Variants in CERKL observed in about 807,000 individuals in gnomAD.
CERKL encodes ceramide kinase-like protein.
A neutral mutation model predicts 63.4 loss-of-function variants in CERKL; 61 were observed. The observed-to-expected ratio is 0.96, with a 90% CI of 0.78 to 1.19. The LOEUF (loss-of-function observed/expected upper bound fraction) is 1.19, where lower values mean the gene tolerates loss of function less well. Ranked by LOEUF, CERKL falls within the 50% of genes most tolerant of loss-of-function variation. The probability of loss-of-function intolerance (pLI) is 0.00; values close to 1 mark genes in which losing one functional copy is unlikely to be tolerated. For missense variants in CERKL, 675 were observed against 655.5 expected (o/e 1.03, Z -0.33); for synonymous variants, 250 against 230.5 (o/e 1.08, Z -0.77).
At chr2:181,654,174 A>G (rs1046365326) in intron 1 of CERKL, among the ~76,000 whole-genome samples, 1 of 151,572 alleles carries the variant, frequency 6.6e-6, no homozygotes, top group Non-Finnish European at 1.5e-5. Context: ...AAAAAAAAAA[A>G]TCCCCAAAAA....
At position 181,652,246 on chromosome 2, in the gene CERKL, G is replaced by A. The variant is rs11902019; in HGVS notation, c.238+4523C>T. Among the ~76,000 whole-genome samples the A allele has an allele frequency of 7.0e-3, 1,058 of 152,150 alleles. 17 individuals carry two copies. Among genetic ancestry groups the A allele is most frequent in the African/African-American group, 0.024 (977 of 41,508 alleles). Reference sequence around the variant, plus strand: ...TGGAAGTATCATACTACCTGACTTCGAAATATACGATAAAACTATATCAAC... The same window carrying A: ...TGGAAGTATCATACTACCTGACTTCAAAATATACGATAAAACTATATCAAC... On this transcript the variant is annotated intron_variant, in intron 1 of 12. Transcript: ENST00000410087.
At chr2:181,643,892 C>A (rs1219088907) in intron 1 of CERKL, among the ~76,000 whole-genome samples, 1 of 152,184 alleles carries the variant, frequency 6.6e-6, no homozygotes, top group Non-Finnish European at 1.5e-5. Context: ...GTAAACAAAT[C>A]TTTCTTTGGG....
chr2:181,548,555 C>A lies in CERKL; in HGVS notation c.1123G>T (p.Val375Leu). The A allele has an allele frequency of 6.2e-7, 1 of 1,611,084 alleles. No homozygotes were observed. Among genetic ancestry groups the A allele is most frequent in the Non-Finnish European group, 8.5e-7 (1 of 1,177,712 alleles). Residue 375 changes from valine to leucine, a missense_variant, in exon 8 of 13, where the codon GTG becomes TTG. Physicochemically the swap from Val to Leu is conservative, Grantham distance 32. Coordinates refer to ENST00000410087, the MANE Select transcript of CERKL (RefSeq NM_201548.5). ...SFLPFNSSDD[V>L]QERRAQGSPK... ...TGAGTTTTTACCTACCTTTCTTGCACATCATCAGAGCTGTTAAATGGTAAA... is the reference window on the plus strand; with the variant it reads ...TGAGTTTTTACCTACCTTTCTTGCAAATCATCAGAGCTGTTAAATGGTAAA...
At chr2:181,597,799 C>G (rs573118294) in intron 2 of CERKL, among the ~76,000 whole-genome samples, 9 of 152,260 alleles carry the variant, frequency 5.9e-5, no homozygotes, top group Middle Eastern at 6.8e-3. Flanking sequence ...AGCAAACATA[C>G]CTCATAACCT....
chr2:181,549,009 C>T (rs55741565), intron 6 of CERKL, 152 bp from the exon 7 acceptor site: 82,456 of 689,270 alleles, frequency 0.12, 5,856 homozygotes, highest in East Asian at 0.22. Flanking sequence ...TTCCCTTTAC[C>T]TATAACTACA....
intron 2 of CERKL, among the ~76,000 whole-genome samples, chr2:181,576,530 C>T (rs774884737): frequency 2.0e-5 from 3 of 152,198 alleles, no homozygotes; most frequent in East Asian, 1.9e-4. Context: ...AGATCACCCT[C>T]GAGCCTTACA....
At chr2:181,619,955 A>C (rs1187449566) in intron 1 of CERKL, among the ~76,000 whole-genome samples, 1 of 152,232 alleles carries the variant, frequency 6.6e-6, no homozygotes, top group Non-Finnish European at 1.5e-5. Flanking sequence ...TAGTAGTTCA[A>C]GGTAAGTCTG....
chr2:181,580,822 T>C (rs1227071181), intron 2 of CERKL, among the ~76,000 whole-genome samples: 1 of 152,128 alleles, frequency 6.6e-6, no homozygotes, highest in Non-Finnish European at 1.5e-5. Context: ...GTTTAAATAG[T>C]ATAGAAGTTT....
intron 1 of CERKL, among the ~76,000 whole-genome samples, chr2:181,646,145 T>C (rs1438457531): frequency 6.6e-6 from 1 of 152,170 alleles, no homozygotes; most frequent in Non-Finnish European, 1.5e-5. Context: ...GGATGGCAGA[T>C]TGGAGAAATA....
intron 11 of CERKL, among the ~76,000 whole-genome samples, chr2:181,543,774 G>A (rs1687608335): frequency 6.6e-6 from 1 of 152,026 alleles, no homozygotes; most frequent in South Asian, 2.1e-4. Context: ...CACGAGGTCA[G>A]GAGTTTCGAG....
chr2:181,601,112 AAATT>A (rs1221032939), intron 2 of CERKL, among the ~76,000 whole-genome samples: 1 of 152,232 alleles, frequency 6.6e-6, no homozygotes, highest in Non-Finnish European at 1.5e-5. Flanking sequence ...TGAAAAAACA[AAATT>A]AATGCATAAA....
intron 4 of CERKL, chr2:181,565,402 A>G (rs753506150): frequency 2.6e-6 from 4 of 1,547,036 alleles, no homozygotes; most frequent in Non-Finnish European, 3.6e-6. Flanking sequence ...ACCTAATTTT[A>G]AAAAATGGCA....
intron 11 of CERKL, among the ~76,000 whole-genome samples, chr2:181,539,791 T>C (rs78178562): frequency 0.014 from 2,080 of 152,282 alleles, 55 homozygotes; most frequent in African/African-American, 0.048. Context: ...ACTTTAACAA[T>C]GGACACAAGC....
intron 4 of CERKL, among the ~76,000 whole-genome samples, chr2:181,561,546 A>G (rs1688442901): frequency 6.6e-6 from 1 of 152,178 alleles, no homozygotes; most frequent in African/African-American, 2.4e-5. Flanking sequence ...ATTTTATCCC[A>G]AAATGTATTT....
At chr2:181,591,768 G>T (rs1421563999) in intron 2 of CERKL, among the ~76,000 whole-genome samples, 1 of 152,088 alleles carries the variant, frequency 6.6e-6, no homozygotes, top group Non-Finnish European at 1.5e-5. Context: ...ATAAACTTAT[G>T]ATTTCTAATA....
chr2:181,563,126 T>C (rs1222047831), intron 4 of CERKL, among the ~76,000 whole-genome samples: 2 of 152,258 alleles, frequency 1.3e-5, no homozygotes, highest in East Asian at 1.9e-4. Context: ...GATATTCTTT[T>C]ATTTTCCTTC....
chr2:181,541,683 C>T (rs1687513165), intron 11 of CERKL, among the ~76,000 whole-genome samples: 1 of 152,084 alleles, frequency 6.6e-6, no homozygotes, highest in Non-Finnish European at 1.5e-5. Flanking sequence ...CTACTGTAAG[C>T]AAGAAAGGAT....
chr2:181,551,312 T>A (rs1422314699), intron 5 of CERKL, among the ~76,000 whole-genome samples: 6 of 152,012 alleles, frequency 3.9e-5, no homozygotes, highest in Admixed American at 1.3e-4. Context: ...CTTACAACTA[T>A]CTGAAAAAGA....
intron 1 of CERKL, among the ~76,000 whole-genome samples, chr2:181,605,907 TA>T (rs915212770): frequency 2.0e-5 from 3 of 152,002 alleles, no homozygotes; most frequent in Admixed American, 2.0e-4. Flanking sequence ...ATATGCTCAC[TA>T]AGAAGTTCCT....
Sources: gnomAD v4.1 joint callset for allele counts (sites outside exome capture counted in the v4.1 genomes callset) on GRCh38, gnomAD v4.1.1 for gene constraint, MANE v1.5 for transcripts, NCBI Gene and HGNC (gene_info 2026-07-23, HGNC 2026-07-21) for gene names.